FHIT: variants seen among roughly 807,000 people sequenced by gnomAD.
The protein encoded by FHIT is bis(5'-adenosyl)-triphosphatase.
In FHIT, 19 loss-of-function variants were observed where a neutral mutation model predicts 17.9. The ratio of observed to expected loss-of-function variants is 1.06; its 90% CI spans 0.74 to 1.56. The LOEUF (loss-of-function observed/expected upper bound fraction) is 1.56, where lower values mean the gene tolerates loss of function less well. FHIT is among the 40% of genes most tolerant of loss of function. The pLI, the probability that FHIT is intolerant of heterozygous loss-of-function variation, is 0.00. For synonymous variants in FHIT, 81 were observed against 69.7 expected (o/e 1.16, Z -0.81); for missense variants, 248 against 189.2 (o/e 1.31, Z -1.82).
intron 5 of FHIT, among the ~76,000 whole-genome samples, chr3:60,332,695 A>G (rs893771976): frequency 3.9e-5 from 6 of 152,172 alleles, no homozygotes; most frequent in African/African-American, 1.4e-4. Flanking sequence ...ATCGTTTTCA[A>G]CAATATGAGG....
At chr3:59,821,302 G>T (rs990805440) in intron 8 of FHIT, among the ~76,000 whole-genome samples, 1 of 152,232 alleles carries the variant, frequency 6.6e-6, no homozygotes, top group Admixed American at 6.5e-5. Flanking sequence ...TGTGAAAGCA[G>T]AAGCAACTGA....
At chr3:60,055,613 G>C (rs1161239451) in intron 5 of FHIT, among the ~76,000 whole-genome samples, 1 of 152,096 alleles carries the variant, frequency 6.6e-6, no homozygotes, top group African/African-American at 2.4e-5. Context: ...CATTTTCTAG[G>C]CACTGGCCAC....
chr3:59,799,602 G>A (rs368477448), intron 8 of FHIT, among the ~76,000 whole-genome samples: 7 of 152,196 alleles, frequency 4.6e-5, no homozygotes, highest in African/African-American at 1.7e-4. Context: ...GATAGTCCTA[G>A]AAATGAACAT....
intron 8 of FHIT, among the ~76,000 whole-genome samples, chr3:59,769,130 G>T (rs916079961): frequency 1.3e-5 from 2 of 152,200 alleles, no homozygotes; most frequent in African/African-American, 4.8e-5. Flanking sequence ...ACCCTGATTT[G>T]TGACCCATAA....
chr3:60,152,489 C>T (rs143179868), intron 5 of FHIT, among the ~76,000 whole-genome samples: 10 of 152,134 alleles, frequency 6.6e-5, no homozygotes, highest in Non-Finnish European at 1.3e-4. Context: ...GTATGAATAC[C>T]TAAGACATGT....
chr3:61,195,993 T>G (rs973994060), intron 2 of FHIT, among the ~76,000 whole-genome samples: 1 of 152,032 alleles, frequency 6.6e-6, no homozygotes, highest in African/African-American at 2.4e-5. Context: ...CAGAAAAAAA[T>G]TACGTAATCA....
chr3:61,184,932 T>A (rs2038459791), intron 2 of FHIT, among the ~76,000 whole-genome samples: 1 of 152,186 alleles, frequency 6.6e-6, no homozygotes, highest in East Asian at 1.9e-4. Context: ...ACGGCACATT[T>A]CCCTACTGAC....
At chr3:60,459,386 G>A (rs967392520) in intron 5 of FHIT, among the ~76,000 whole-genome samples, 11 of 152,158 alleles carry the variant, frequency 7.2e-5, no homozygotes, top group African/African-American at 2.4e-4. Flanking sequence ...CTAAAACAAA[G>A]AGTGGGTTGG....
At chr3:59,864,661 T>A (rs1336761128) in intron 8 of FHIT, among the ~76,000 whole-genome samples, 1 of 151,746 alleles carries the variant, frequency 6.6e-6, no homozygotes, top group Admixed American at 6.6e-5. Flanking sequence ...AGTTTCTTTG[T>A]TCTCATGAAC....
In FHIT at chr3:61,077,269, T is replaced by C. The variant is rs2034998879; in HGVS notation, c.-163-35170A>G. ...TTGGAAGAATGTATGAAGTATATAC[T>C]AGTGAGAAATGAAGTGACAGGAGCT... On this transcript the variant is annotated intron_variant, in intron 2 of 9. Transcript: ENST00000492590. Among the ~76,000 whole-genome samples the C allele has an allele frequency of 2.6e-5, 4 of 152,028 alleles. No homozygotes were observed. In the South Asian group the frequency reaches 8.3e-4, roughly 32 times the overall value.
chr3:60,731,300 G>T (rs2042024603), intron 4 of FHIT, among the ~76,000 whole-genome samples: 1 of 152,154 alleles, frequency 6.6e-6, no homozygotes, highest in South Asian at 2.1e-4. Context: ...CAACCAAGGG[G>T]CATAAGGCAG....
At chr3:60,250,716 T>C (rs1024787517) in intron 5 of FHIT, among the ~76,000 whole-genome samples, 1 of 152,128 alleles carries the variant, frequency 6.6e-6, no homozygotes, top group Non-Finnish European at 1.5e-5. Flanking sequence ...ACAATTTTCT[T>C]CTTCAGGCTT....
At chr3:60,164,416 A>C (rs1390075706) in intron 5 of FHIT, among the ~76,000 whole-genome samples, 1 of 152,164 alleles carries the variant, frequency 6.6e-6, no homozygotes, top group Non-Finnish European at 1.5e-5. Flanking sequence ...ATCTAAAAAC[A>C]CACACCACGA....
chr3:59,975,876 C>A (rs1708386811), intron 7 of FHIT, among the ~76,000 whole-genome samples: 1 of 152,016 alleles, frequency 6.6e-6, no homozygotes, highest in Non-Finnish European at 1.5e-5. Flanking sequence ...ACCTACATGA[C>A]CTAGATTTCT....
intron 5 of FHIT, among the ~76,000 whole-genome samples, chr3:60,340,438 T>G (rs1320562697): frequency 6.6e-6 from 1 of 152,206 alleles, no homozygotes; most frequent in East Asian, 1.9e-4. Context: ...GGTAATCCAC[T>G]GCAGCCCTTC....
At chr3:60,029,901 G>GTGTGTGTGTGTGTGTGTC (rs1700924178) in intron 5 of FHIT, among the ~76,000 whole-genome samples, 1 of 143,052 alleles carries the variant, frequency 7.0e-6, no homozygotes, top group Admixed American at 6.8e-5. Flanking sequence ...GTGTGTCTGT[G>GTGTGTGTGTGTGTGTGTC]TGTGTGTGTG....
intron 7 of FHIT, among the ~76,000 whole-genome samples, chr3:59,983,765 G>A (rs1236041732): frequency 6.6e-6 from 1 of 152,056 alleles, no homozygotes; most frequent in Non-Finnish European, 1.5e-5. Context: ...AGAGAAGAAT[G>A]AGAGGATTGC....
At chr3:60,196,742 T>C (rs542264485) in intron 5 of FHIT, among the ~76,000 whole-genome samples, 1 of 152,088 alleles carries the variant, frequency 6.6e-6, no homozygotes, top group Non-Finnish European at 1.5e-5. Flanking sequence ...ATTACACATA[T>C]ATACATGCAC....
intron 4 of FHIT, among the ~76,000 whole-genome samples, chr3:60,682,551 G>A (rs1168481823): frequency 6.6e-6 from 1 of 152,174 alleles, no homozygotes; most frequent in African/African-American, 2.4e-5. Flanking sequence ...TCTGTTTATA[G>A]TATGGTTTAC....
Sources: gnomAD v4.1 joint callset for allele counts (sites outside exome capture counted in the v4.1 genomes callset) on GRCh38, gnomAD v4.1.1 for gene constraint, MANE v1.5 for transcripts, NCBI Gene and HGNC (gene_info 2026-07-23, HGNC 2026-07-21) for gene names.